TXLNA: variants seen among roughly 807,000 people sequenced by gnomAD.
TXLNA encodes the protein taxilin alpha.
TXLNA carries 9 observed loss-of-function variants against 61.4 expected under a neutral mutation model. The ratio of observed to expected loss-of-function variants is 0.15; its 90% confidence interval spans 0.09 to 0.26. TXLNA has a LOEUF of 0.26. TXLNA is among the 10% of genes least tolerant of loss of function. The probability of loss-of-function intolerance (pLI) is 1.00; values close to 1 mark genes in which losing one functional copy is unlikely to be tolerated. For missense variants in TXLNA, 565 were observed against 688.8 expected (o/e 0.82, Z 2.01); for synonymous variants, 257 against 267.7 (o/e 0.96, Z 0.39).
chr1:32,186,644 A>G (rs867752311), intron 4 of TXLNA, among the ~76,000 whole-genome samples: 2 of 152,192 alleles, frequency 1.3e-5, no homozygotes, highest in Non-Finnish European at 2.9e-5. Context: ...AGGATGGTTG[A>G]GTCAATGGAT....
chr1:32,196,943 C>T lies in TXLNA; in HGVS notation c.*1748C>T, dbSNP rs1643038974. 6.6e-6 allele frequency: 1 copy of T among 152,262 alleles called. No individual in the cohort carries two copies. The highest frequency in any genetic ancestry group is 1.5e-5 in the Non-Finnish European group (1 of 68,040). 9.4% of individuals were successfully genotyped at this position (152,262 alleles called of 1,614,324 possible). A position where few individuals can be genotyped will look rare whatever the true frequency, so the allele number is the denominator to read the frequency against. On this transcript the variant is annotated 3_prime_UTR_variant, in exon 11 of 11. Coordinates refer to ENST00000373610, the MANE Select transcript of TXLNA (RefSeq NM_175852.4). ...ATCTGCATCAGAGTTGCCTGCTATT[C>T]TCTGGTGTATCCTTCACATCTAGGT...
Position 32,181,459 on chromosome 1 carries a change from C to T in TXLNA, c.387C>T (p.Val129=). The change falls in exon 3 of 11, where the codon GTC becomes GTT. Residue 129 remains valine (V), a synonymous_variant. Coordinates refer to ENST00000373610, the MANE Select transcript of TXLNA (RefSeq NM_175852.4). ...GGGAGCCTGAACCAACTCCAGTAGT[C>T]AATGGAGAGAAGGAACCCTCCAAGG... ...RNGEPEPTPV[V]NGEKEPSKGD... 1 of 1,613,902 alleles carries T rather than the reference C, an allele frequency of 6.2e-7. No homozygotes were observed. The highest frequency in any genetic ancestry group is 1.3e-5 in the African/African-American group (1 of 75,026).
chr1:32,188,947 C>T (rs573408196), intron 5 of TXLNA, among the ~76,000 whole-genome samples: 9 of 152,308 alleles, frequency 5.9e-5, no homozygotes, highest in African/African-American at 1.9e-4. Flanking sequence ...AGTTTAAATA[C>T]AGCCTTTTAA....
At chr1:32,181,671 A>G in intron 3 of TXLNA, 94 bp downstream of exon 3, 1 of 1,206,582 alleles carries the variant, frequency 8.3e-7, no homozygotes, top group African/African-American at 1.5e-5. Flanking sequence ...GATTCAAAGG[A>G]AAACGGTACT....
chr1:32,188,774 A>G (rs929672867), intron 5 of TXLNA, among the ~76,000 whole-genome samples: 2 of 152,240 alleles, frequency 1.3e-5, no homozygotes, highest in African/African-American at 4.8e-5. Flanking sequence ...AAGAGAATCC[A>G]TAATGCACTG....
rs1193346536 is a variant in TXLNA, at chr1:32,198,150, T to C, written c.*2955T>C. On this transcript the variant is annotated 3_prime_UTR_variant, in exon 11 of 11. Coordinates refer to ENST00000373610, the MANE Select transcript of TXLNA (RefSeq NM_175852.4). ...CTTCTGTCCCTGTAACTGCTTTCCT[T>C]ATGGCCCAGCCCGGCCACTCAGACT... 1 of 152,274 alleles carries C rather than the reference T, an allele frequency of 6.6e-6. No homozygotes were observed. Among genetic ancestry groups the C allele is most frequent in the Admixed American group, 6.5e-5 (1 of 15,290 alleles). 9.4% of individuals were successfully genotyped at this position (152,274 alleles called of 1,614,324 possible).
At chr1:32,182,803 C>T (rs1642695647) in intron 3 of TXLNA, among the ~76,000 whole-genome samples, 1 of 151,770 alleles carries the variant, frequency 6.6e-6, no homozygotes, top group Non-Finnish European at 1.5e-5. Context: ...CAGAGTGGCT[C>T]ACACCTGTAA....
rs371338866 is a variant in TXLNA at position 32,184,635 on chromosome 1, G to A, written c.597+19G>A. On this transcript the variant is annotated intron_variant, in intron 4 of 10. Transcript: ENST00000373610. ...TGAACTGGTCAGTTCCCCCCTCCGC[G>A]GGCACCTTCCCTGCGTTGGGAAAAT... is the stretch of plus-strand genomic sequence containing the variant. The A allele has an allele frequency of 3.6e-5, 57 of 1,573,990 alleles. No homozygotes were observed. Among genetic ancestry groups the A allele is most frequent in the Non-Finnish European group, 4.7e-5 (54 of 1,147,890 alleles).
In TXLNA at chr1:32,192,529, C is replaced by T; in HGVS notation, c.1083+99C>T. The T allele has an allele frequency of 6.3e-7, 1 of 1,589,858 alleles. No individual in the cohort carries two copies. The highest frequency in any genetic ancestry group is 1.1e-5 in the South Asian group (1 of 88,676). On this transcript the variant is annotated intron_variant, in intron 7 of 10. Coordinates refer to ENST00000373610, the MANE Select transcript of TXLNA (RefSeq NM_175852.4). This position sits in a 1 kb window ranked among gnomAD's most constrained non-coding sequence, Gnocchi z 4.2. ...GTTATATGGGAGAAGTCTGGCCAGA[C>T]CAGGCACAGATTCCTTGAGTACCAG...
At position 32,189,416 on chromosome 1, in the gene TXLNA, G is replaced by C. The variant is rs574370622; in HGVS notation, c.769-639G>C. On this transcript the variant is annotated intron_variant, in intron 5 of 10. Coordinates refer to ENST00000373610, the MANE Select transcript of TXLNA (RefSeq NM_175852.4). ...CTAAATTTTAACAGCTTGGTCTCTG[G>C]GGGTACAGAGGGGACAAATGCACAT... Among the ~76,000 whole-genome samples the C allele has an allele frequency of 1.6e-4, 24 of 152,274 alleles. No individual in the cohort carries two copies. In the Middle Eastern group the frequency reaches 0.014, roughly 86 times the overall value.
intron 4 of TXLNA, among the ~76,000 whole-genome samples, chr1:32,185,830 C>G (rs1000089966): frequency 6.6e-6 from 1 of 151,888 alleles, no homozygotes; most frequent in South Asian, 2.1e-4. Flanking sequence ...TCCCGAGTAG[C>G]TGGGATTACA....
chr1:32,193,432 TC>T, intron 9 of TXLNA, 132 bp downstream of exon 9: 1 of 691,256 alleles, frequency 1.4e-6, no homozygotes, highest in Admixed American at 2.1e-5. Context: ...TCACAGCCTT[TC>T]CCCTCTTGAG....
Position 32,194,111 on chromosome 1 carries a change from G to A in TXLNA, c.1298G>A (p.Arg433Gln), listed in dbSNP as rs1002125984. 18 of 1,613,826 alleles carry A rather than the reference G, an allele frequency of 1.1e-5. No individual in the cohort carries two copies. The highest frequency in any genetic ancestry group is 1.4e-5 in the Non-Finnish European group (17 of 1,179,912). ...CTGGAGAAAGAAACCACCATGTACCGGTCCCGGTGGGAGAGCAGCAACAAG... is the reference window on the plus strand; with the variant it reads ...CTGGAGAAAGAAACCACCATGTACCAGTCCCGGTGGGAGAGCAGCAACAAG... The part of the protein sequence containing the change: ...KKLEKETTMY[R>Q]SRWESSNKAL... The change falls in exon 10 of 11, where the codon CGG (arginine) becomes CAG (glutamine). Residue 433 changes from arginine to glutamine, a missense_variant. Transcript: ENST00000373610.
intron 6 of TXLNA, among the ~76,000 whole-genome samples, chr1:32,190,658 G>A (rs1375982120): frequency 6.6e-6 from 1 of 152,208 alleles, no homozygotes; most frequent in Non-Finnish European, 1.5e-5. Context: ...TGCAGGTCAA[G>A]TCTGGCTGCC....
intron 8 of TXLNA, 74 bp from the exon 9 acceptor site, chr1:32,193,134 C>A: frequency 1.1e-6 from 1 of 914,768 alleles, no homozygotes; most frequent in Middle Eastern, 2.1e-4. Flanking sequence ...GAGTCAAGGA[C>A]GGGTCTGAGT....
intron 3 of TXLNA, among the ~76,000 whole-genome samples, chr1:32,183,337 G>C (rs1642709162): frequency 6.7e-6 from 1 of 149,802 alleles, no homozygotes; most frequent in Non-Finnish European, 1.5e-5. Context: ...TGTTAGCCAG[G>C]ATAGTCTCGA....
intron 1 of TXLNA, 179 bp from the exon 2 acceptor site, chr1:32,180,135 C>A: frequency 1.8e-6 from 1 of 556,376 alleles, no homozygotes; most frequent in Admixed American, 3.8e-5. Context: ...CCCCGAAAGC[C>A]TGCCCCGGCA....
chr1:32,192,317 G>T lies in TXLNA; in HGVS notation c.970G>T (p.Asp324Tyr). 1.2e-6 allele frequency: 2 copies of T among 1,613,906 alleles called. No homozygotes were observed. The highest frequency in any genetic ancestry group is 2.2e-5 in the South Asian group (2 of 91,016). ...CCCACCATCTTTGTTGCAGCATATCGACAAAGTCTTCAAACACAAGGACCT... is the reference window on the plus strand; with the variant it reads ...CCCACCATCTTTGTTGCAGCATATCTACAAAGTCTTCAAACACAAGGACCT... ...EQYELREEHI[D>Y]KVFKHKDLQQ... The change falls in exon 7 of 11, where the codon GAC (aspartate) becomes TAC (tyrosine). Residue 324 changes from aspartate (D) to tyrosine (Y), a missense_variant. Asp to Tyr is a radical substitution (Grantham distance 160, BLOSUM62 -3). Around this residue, in one of 2 missense-constraint regions of TXLNA, gnomAD observed 373 missense variants for 504.0 expected, o/e 0.74. Transcript: ENST00000373610. This position sits in a 1 kb window ranked among gnomAD's most constrained non-coding sequence, Gnocchi z 4.2.
intron 3 of TXLNA, 67 bp downstream of exon 3, chr1:32,181,644 C>A: frequency 7.4e-7 from 1 of 1,348,910 alleles, no homozygotes; most frequent in Non-Finnish European, 1.0e-6. Context: ...GTTCTCTGGG[C>A]CAGTCTGTTC....
Sources: gnomAD v4.1 joint callset for allele counts (sites outside exome capture counted in the v4.1 genomes callset) on GRCh38, gnomAD v4.1.1 for gene constraint, gnomAD v4.1.1 regional missense constraint, Gnocchi (gnomAD v3.1) non-coding constraint, MANE v1.5 for transcripts, NCBI Gene and HGNC (gene_info 2026-07-23, HGNC 2026-07-21) for gene names.